Variants in PCDH15 observed in about 807,000 individuals in gnomAD.
PCDH15 encodes protocadherin-15.
PCDH15 carries 129 observed loss-of-function variants against 178.5 expected under a neutral mutation model. The observed-to-expected ratio is 0.72, with a 90% CI of 0.63 to 0.84. The LOEUF (loss-of-function observed/expected upper bound fraction) is 0.84, where lower values mean the gene tolerates loss of function less well. Ranked by LOEUF, PCDH15 falls within the 40% of genes least tolerant of loss-of-function variation. The pLI, the probability that PCDH15 is intolerant of heterozygous loss-of-function variation, is 0.00. For synonymous variants in PCDH15, 800 were observed against 732.0 expected (o/e 1.09, Z -1.50); for missense variants, 2,230 against 2,099.9 (o/e 1.06, Z -1.21).
chr10:54,091,524 T>A (rs918339475), intron 15 of PCDH15, among the ~76,000 whole-genome samples: 8 of 152,182 alleles, frequency 5.3e-5, no homozygotes, highest in African/African-American at 1.9e-4. Flanking sequence ...AACGTCCTTA[T>A]CAGCTACCAC....
intron 21 of PCDH15, among the ~76,000 whole-genome samples, chr10:53,969,017 G>A (rs904829675): frequency 6.6e-6 from 1 of 152,202 alleles, no homozygotes; most frequent in Admixed American, 6.5e-5. Context: ...TTGAGGAGTT[G>A]AGAGAAGAAG....
chr10:55,425,815 A>G (rs1014032241), intron 2 of PCDH15, among the ~76,000 whole-genome samples: 1 of 152,214 alleles, frequency 6.6e-6, no homozygotes, highest in Non-Finnish European at 1.5e-5. Flanking sequence ...TTATGACACA[A>G]ATGAGTGTAT....
chr10:54,318,465 A>T (rs913438496), intron 7 of PCDH15, among the ~76,000 whole-genome samples: 2 of 152,056 alleles, frequency 1.3e-5, no homozygotes, highest in African/African-American at 4.8e-5. Flanking sequence ...CTTCCTTATC[A>T]TTTAACTTTG....
chr10:55,050,905 C>T (rs189800654), intron 2 of PCDH15, among the ~76,000 whole-genome samples: 1 of 152,158 alleles, frequency 6.6e-6, no homozygotes, highest in East Asian at 1.9e-4. Context: ...GTACTGTCAA[C>T]ATTTAATGCA....
At chr10:55,158,366 T>C (rs1159819120) in intron 2 of PCDH15, among the ~76,000 whole-genome samples, 1 of 151,978 alleles carries the variant, frequency 6.6e-6, no homozygotes, top group Non-Finnish European at 1.5e-5. Context: ...AGTAAAGTGG[T>C]AGGTGGGGGT....
intron 9 of PCDH15, among the ~76,000 whole-genome samples, chr10:54,228,935 CTT>C (rs1294001719): frequency 6.6e-6 from 1 of 152,192 alleles, no homozygotes; most frequent in African/African-American, 2.4e-5. Context: ...AGCCTTCTCT[CTT>C]GTCTGTTTGC....
At chr10:55,463,895 GAGAGAGAAAGAA>G (rs1404115084) in intron 2 of PCDH15, among the ~76,000 whole-genome samples, 4 of 125,878 alleles carry the variant, frequency 3.2e-5, no homozygotes, top group Non-Finnish European at 6.5e-5. Flanking sequence ...GAGAGGGAGA[GAGAGAGAAAGAA>G]AGAAAGAAAG....
intron 2 of PCDH15, among the ~76,000 whole-genome samples, chr10:55,069,421 T>G (rs1243228641): frequency 1.7e-5 from 2 of 117,998 alleles, no homozygotes; most frequent in African/African-American, 3.2e-5. Context: ...ATGCTATCCC[T>G]TCCCCCTCCC....
chr10:54,631,441 G>A (rs746808433), intron 2 of PCDH15, among the ~76,000 whole-genome samples: 2 of 152,130 alleles, frequency 1.3e-5, no homozygotes, highest in Non-Finnish European at 2.9e-5. Flanking sequence ...AAAGGGAATG[G>A]TTATACACTC....
chr10:54,096,203 TC>T (rs2094696494), intron 15 of PCDH15, among the ~76,000 whole-genome samples: 1 of 151,856 alleles, frequency 6.6e-6, no homozygotes, highest in Non-Finnish European at 1.5e-5. Flanking sequence ...ATCTCGAGTT[TC>T]CCTTCACCTG....
At chr10:53,992,998 G>A (rs2091627511) in intron 21 of PCDH15, among the ~76,000 whole-genome samples, 1 of 152,154 alleles carries the variant, frequency 6.6e-6, no homozygotes, top group Non-Finnish European at 1.5e-5. Context: ...TTATGGTGTT[G>A]TCATTTTATA....
intron 18 of PCDH15, among the ~76,000 whole-genome samples, chr10:54,048,031 T>C (rs1200934870): frequency 1.3e-5 from 2 of 152,108 alleles, no homozygotes; most frequent in Non-Finnish European, 2.9e-5. Context: ...ACCAACAGTG[T>C]ATATGCATTC....
chr10:55,521,305 T>C (rs911018888), intron 2 of PCDH15, among the ~76,000 whole-genome samples: 1 of 152,052 alleles, frequency 6.6e-6, no homozygotes, highest in African/African-American at 2.4e-5. Context: ...TGCTCCTCAA[T>C]TTATGATAGG....
At chr10:54,689,088 T>C (rs1001625371) in intron 1 of PCDH15, among the ~76,000 whole-genome samples, 2 of 152,092 alleles carry the variant, frequency 1.3e-5, no homozygotes, top group Non-Finnish European at 2.9e-5. Flanking sequence ...AATACCTATC[T>C]TCTCTTCACA....
intron 2 of PCDH15, among the ~76,000 whole-genome samples, chr10:55,040,520 C>A (rs1341132105): frequency 1.3e-5 from 2 of 151,340 alleles, no homozygotes; most frequent in Admixed American, 6.6e-5. Context: ...ACAACAACAA[C>A]AACAAAAACA....
chr10:55,478,021 A>G (rs1840097871), intron 2 of PCDH15, among the ~76,000 whole-genome samples: 1 of 151,942 alleles, frequency 6.6e-6, no homozygotes, highest in South Asian at 2.1e-4. Context: ...ACCAAAAAGT[A>G]GCAGGAGTAA....
chr10:54,377,863 T>C (rs759656427), intron 4 of PCDH15, among the ~76,000 whole-genome samples: 1 of 152,108 alleles, frequency 6.6e-6, no homozygotes, highest in African/African-American at 2.4e-5. Flanking sequence ...GAGCTACTTA[T>C]ACCTATTAAT....
At chr10:55,400,469 G>A (rs540251173) in intron 2 of PCDH15, among the ~76,000 whole-genome samples, 1 of 152,084 alleles carries the variant, frequency 6.6e-6, no homozygotes, top group South Asian at 2.1e-4. Flanking sequence ...ACTACATTTA[G>A]AATAAAACGA....
intron 17 of PCDH15, among the ~76,000 whole-genome samples, chr10:54,074,573 T>C (rs10740571): frequency 0.84 from 127,224 of 152,144 alleles, 53,560 homozygotes; most frequent in African/African-American, 0.91. Context: ...TATACCACAT[T>C]TTGTTTATAT....
Sources: allele counts gnomAD v4.1 joint callset (sites outside exome capture counted in the v4.1 genomes callset), GRCh38; gene constraint gnomAD v4.1.1; transcripts MANE v1.5; gene names NCBI Gene and HGNC (gene_info 2026-07-23, HGNC 2026-07-21).